The following ZBED6 variants were observed in gnomAD, a reference collection of about 807,000 sequenced individuals.
ZBED6 encodes zinc finger BED domain-containing protein 6.
A neutral mutation model predicts 58.4 loss-of-function variants in ZBED6; 40 were observed. That is an observed-to-expected ratio of 0.68 (90% confidence interval 0.53 to 0.89). ZBED6 has a LOEUF of 0.89. Ranked by LOEUF, ZBED6 falls within the 40% of genes least tolerant of loss-of-function variation. ZBED6 has a pLI of 0.00. For missense variants in ZBED6, 1,057 were observed against 1,003.9 expected, an observed-to-expected ratio of 1.05 and a Z score of -0.71; for synonymous variants, 439 against 350.6, an observed-to-expected ratio of 1.25 and a Z score of -2.82.
exon 5 of ZBED6, chr1:203,829,556 T>C: frequency 6.2e-7 from 1 of 1,614,052 alleles, no homozygotes; most frequent in East Asian, 2.2e-5. Context: ...TCCCCTCAGC[T>C]GCGGAGCGTT....
exon 1 of ZBED6, chr1:203,797,699 T>C (rs872032): frequency 0.48 from 737,354 of 1,534,724 alleles, 182,429 homozygotes; most frequent in Non-Finnish European, 0.51. Flanking sequence ...CAAAACAGCC[T>C]GCTAAAAAGA....
intron 3 of ZBED6, among the ~76,000 whole-genome samples, chr1:203,823,287 GT>G (rs1212940136): frequency 1.3e-5 from 2 of 152,012 alleles, no homozygotes; most frequent in Non-Finnish European, 2.9e-5. Flanking sequence ...CCGTGTGCCT[GT>G]TTTTTTATGC....
intron 1 of ZBED6, among the ~76,000 whole-genome samples, chr1:203,804,460 A>T (rs566100531): frequency 2.6e-5 from 4 of 151,698 alleles, no homozygotes; most frequent in Non-Finnish European, 5.9e-5. Flanking sequence ...CCCTTCCTGT[A>T]TATCTTTTTA....
rs754795334 is a variant in ZBED6 at position 203,828,430 on chromosome 1, C to G, written c.*2997+8C>G. 2.5e-6 allele frequency: 4 copies of G among 1,603,186 alleles called. No homozygotes were observed. The South Asian group carries it at 4.5e-5, about 18-fold the overall frequency. ...TCCTACCTCCGAGCAAAAGTGAGAT[C>G]AGTTTTTAATTTTAAAAGAATATCA... On this transcript the variant is annotated splice_region_variant and intron_variant, in intron 4 of 16. Transcript: ENST00000550078.
intron 1 of ZBED6, among the ~76,000 whole-genome samples, chr1:203,812,862 G>A (rs921615342): frequency 6.6e-6 from 1 of 152,098 alleles, no homozygotes; most frequent in Non-Finnish European, 1.5e-5. Context: ...GATTACAAGT[G>A]TGAGCCACTG....
At chr1:203,805,143 ATT>A (rs148879848) in intron 1 of ZBED6, among the ~76,000 whole-genome samples, 15,476 of 131,398 alleles carry the variant, frequency 0.12, 937 homozygotes, top group Non-Finnish European at 0.16. Context: ...TACAGTAGTG[ATT>A]TTTTTTTTTT....
chr1:203,829,195 C>A (rs1198490628), intron 4 of ZBED6: 2 of 531,690 alleles, frequency 3.8e-6, no homozygotes, highest in Non-Finnish European at 6.7e-6. Flanking sequence ...TGAACAGGTA[C>A]TATGCTTCTT....
In ZBED6 at chr1:203,845,543, G is replaced by C. The variant is rs192412742; in HGVS notation, c.*3742-1641G>C. ...CTTTGATCAGAAAAACTAAATTGGA[G>C]GGTATCAGGTTTTAAGCTGAATTCA... On this transcript the variant is annotated intron_variant, in intron 11 of 16. Coordinates refer to ENST00000550078, the Ensembl canonical transcript of ZBED6. Among the ~76,000 whole-genome samples, 70 of 152,266 alleles carry C rather than the reference G, an allele frequency of 4.6e-4. 2 individuals carry two copies. In the South Asian group the frequency reaches 0.014, roughly 31 times the overall value.
Position 203,797,886 on chromosome 1 carries a change from C to T in ZBED6, c.364C>T (p.Gln122Ter). The T allele has an allele frequency of 2.6e-6, 4 of 1,536,082 alleles. No homozygotes were observed. Among genetic ancestry groups the T allele is most frequent in the Non-Finnish European group, 3.5e-6 (4 of 1,146,908 alleles). Reference sequence around the variant, plus strand: ...TCTTTTTGAGAGCAATATAGAAAAACAGATCTATCTACCTAGTACTAGAGC... The same window carrying T: ...TCTTTTTGAGAGCAATATAGAAAAATAGATCTATCTACCTAGTACTAGAGC... The change falls in exon 1 of 17, where the codon CAG becomes TAG. Residue 122 changes from glutamine (Q) to a stop codon, truncating the protein, a stop_gained. Coordinates refer to ENST00000550078, the Ensembl canonical transcript of ZBED6. LOFTEE classifies it high-confidence loss of function.
Position 203,850,597 on chromosome 1 carries a change from G to T in ZBED6, c.*4721G>T, listed in dbSNP as rs764661487. 3.7e-6 allele frequency: 6 copies of T among 1,614,102 alleles called. No individual in the cohort carries two copies. In the South Asian group the frequency reaches 5.5e-5, roughly 15 times the overall value. On this transcript the variant is annotated 3_prime_UTR_variant, in exon 15 of 17. Coordinates refer to ENST00000550078, the Ensembl canonical transcript of ZBED6. ...TGGCCCCAAAACGTAAGGCAGTGGAGATGCACGCTGCTGTCATTGCCGCTG... is the reference window on the plus strand; with the variant it reads ...TGGCCCCAAAACGTAAGGCAGTGGATATGCACGCTGCTGTCATTGCCGCTG...
intron 1 of ZBED6, among the ~76,000 whole-genome samples, chr1:203,813,582 A>T (rs1423537087): frequency 6.6e-6 from 1 of 152,136 alleles, no homozygotes; most frequent in African/African-American, 2.4e-5. Flanking sequence ...TATCTGTATT[A>T]GTTCCTAGGA....
At position 203,850,030 on chromosome 1, in the gene ZBED6, AG is replaced by A; in HGVS notation, c.*4638+5del. ...ACCTTGGAAAAAAGGGGTAAAGGCA[AG>A]TATTTCTATACTGTGTATTGCTTTA... is the stretch of plus-strand genomic sequence containing the variant. On this transcript the variant is annotated splice_donor_5th_base_variant and intron_variant, in intron 14 of 16. Coordinates refer to ENST00000550078, the Ensembl canonical transcript of ZBED6. 1 of 1,613,874 alleles carries A rather than the reference AG, an allele frequency of 6.2e-7. No individual in the cohort carries two copies. Among genetic ancestry groups the A allele is most frequent in the Non-Finnish European group, 8.5e-7 (1 of 1,179,976 alleles).
chr1:203,846,484 G>A (rs534224499), intron 11 of ZBED6, among the ~76,000 whole-genome samples: 4 of 152,196 alleles, frequency 2.6e-5, no homozygotes, highest in South Asian at 2.1e-4. Flanking sequence ...AAGTGTAGGT[G>A]TTCCTGCTGT....
chr1:203,847,168 T>A lies in ZBED6; in HGVS notation c.*3742-16T>A, dbSNP rs780685050. On this transcript the variant is annotated splice_polypyrimidine_tract_variant and intron_variant, in intron 11 of 16. Transcript: ENST00000550078. ...AACTTCAAGTATAATGACATGTTTT[T>A]CTCCTGTGAAAACAGATAAAGTTAA... The A allele has an allele frequency of 6.2e-7, 1 of 1,610,904 alleles. No individual in the cohort carries two copies. The highest frequency in any genetic ancestry group is 8.5e-7 in the Non-Finnish European group (1 of 1,179,138).
At chr1:203,853,328 T>C (rs1199794666) in exon 17 of ZBED6, 3 of 152,792 alleles carry the variant, frequency 2.0e-5, no homozygotes, top group African/African-American at 7.2e-5. Flanking sequence ...AATGAGCTTA[T>C]TCAAGCTGCC....
At chr1:203,843,107 T>C (rs1048757776) in intron 11 of ZBED6, among the ~76,000 whole-genome samples, 3 of 152,230 alleles carry the variant, frequency 2.0e-5, no homozygotes, top group African/African-American at 7.2e-5. Flanking sequence ...GACATTCTTA[T>C]TCTGTTGTAT....
intron 7 of ZBED6, among the ~76,000 whole-genome samples, chr1:203,831,331 T>C (rs1003398629): frequency 1.3e-5 from 2 of 152,184 alleles, no homozygotes; most frequent in Non-Finnish European, 2.9e-5. Context: ...ATAGGTTGGA[T>C]TGATACACCT....
chr1:203,821,495 T>A (rs749065064), intron 3 of ZBED6, among the ~76,000 whole-genome samples: 2 of 152,182 alleles, frequency 1.3e-5, no homozygotes, highest in Non-Finnish European at 2.9e-5. Context: ...TGTGTTCTTT[T>A]GATGTTTCCA....
At chr1:203,838,309 T>C (rs916412232) in intron 10 of ZBED6, among the ~76,000 whole-genome samples, 1 of 152,166 alleles carries the variant, frequency 6.6e-6, no homozygotes, top group African/African-American at 2.4e-5. Flanking sequence ...TACTTATAAA[T>C]GCGATAAATT....
Sources: gnomAD v4.1 joint callset for allele counts (sites outside exome capture counted in the v4.1 genomes callset) on GRCh38, gnomAD v4.1.1 for gene constraint, MANE v1.5 for transcripts, NCBI Gene and HGNC (gene_info 2026-07-23, HGNC 2026-07-21) for gene names.